Variants in RAP1A observed in about 807,000 individuals in gnomAD.
RAP1A encodes the protein ras-related protein Rap-1A.
In RAP1A, 6 loss-of-function variants were observed where a neutral mutation model predicts 26.4. The ratio of observed to expected loss-of-function variants is 0.23; its 90% CI spans 0.12 to 0.45. The LOEUF (loss-of-function observed/expected upper bound fraction) is 0.45. Among genes scored for constraint, RAP1A ranks in the 20% least tolerant of loss-of-function variants. RAP1A has a pLI of 0.99. For synonymous variants in RAP1A, 73 were observed against 79.4 expected (o/e 0.92, Z 0.43); for missense variants, 121 against 217.2 (o/e 0.56, Z 2.78).
At chr1:111,615,798 T>G (rs547073139), upstream of RAP1A, among the ~76,000 whole-genome samples, 88 of 137,564 alleles carry the variant, frequency 6.4e-4, no homozygotes, top group Non-Finnish European at 9.7e-4. Context: ...GCCACTGCAC[T>G]CCAGCCTGGT....
intron 4 of RAP1A, among the ~76,000 whole-genome samples, chr1:111,699,859 C>T (rs1021229330): frequency 2.0e-5 from 3 of 152,096 alleles, no homozygotes; most frequent in African/African-American, 4.8e-5. Flanking sequence ...TCTTCAACCC[C>T]CTCTGCATAT....
intron 1 of RAP1A, among the ~76,000 whole-genome samples, chr1:111,666,040 G>A (rs187346606): frequency 6.1e-4 from 93 of 152,260 alleles, no homozygotes; most frequent in African/African-American, 2.2e-3. Flanking sequence ...GATGACATAC[G>A]TAACCGTGAT....
chr1:111,619,729 G>A, upstream of RAP1A: 1 of 393,844 alleles, frequency 2.5e-6, no homozygotes, highest in Non-Finnish European at 4.5e-6. Context: ...TGGAGGGGCG[G>A]GGCAGAACCA....
At chr1:111,568,251 G>A (rs1467423975) in intron 1 of RAP1A, among the ~76,000 whole-genome samples, 2 of 152,180 alleles carry the variant, frequency 1.3e-5, no homozygotes, top group African/African-American at 4.8e-5. Context: ...TGGTTCTGCA[G>A]GCTGTACAGG....
At chr1:111,607,145 T>C (rs1246640818) in intron 1 of RAP1A, among the ~76,000 whole-genome samples, 2 of 150,726 alleles carry the variant, frequency 1.3e-5, no homozygotes, top group Non-Finnish European at 3.0e-5. Flanking sequence ...GGTCTCTGGT[T>C]TTCCTAGGCA....
intron 1 of RAP1A, among the ~76,000 whole-genome samples, chr1:111,685,855 CAGAGACTTGGAACCAACCCCA>C (rs200076534): frequency 0.13 from 19,986 of 152,106 alleles, 1,511 homozygotes; most frequent in East Asian, 0.21. Context: ...TTCACAATAG[CAGAGACTTGGAACCAACCCCA>C]AATGCCCATC....
At chr1:111,661,800 G>GA (rs11322950) in intron 1 of RAP1A, among the ~76,000 whole-genome samples, 3,147 of 102,824 alleles carry the variant, frequency 0.031, 76 homozygotes, top group African/African-American at 0.085. Context: ...CTCCGTCCCA[G>GA]AAAAAAAAAA....
At chr1:111,675,038 A>T (rs956332561) in intron 1 of RAP1A, among the ~76,000 whole-genome samples, 1 of 152,150 alleles carries the variant, frequency 6.6e-6, no homozygotes, top group East Asian at 1.9e-4. Flanking sequence ...ATGCCGAGCT[A>T]TGTAGTATCC....
intron 1 of RAP1A, among the ~76,000 whole-genome samples, chr1:111,564,854 A>G (rs1657879074): frequency 6.6e-6 from 1 of 152,244 alleles, no homozygotes; most frequent in Non-Finnish European, 1.5e-5. Context: ...ACTTAGGTGA[A>G]TGCATCACTG....
At chr1:111,556,537 A>G (rs1024229615) in intron 1 of RAP1A, among the ~76,000 whole-genome samples, 2 of 152,218 alleles carry the variant, frequency 1.3e-5, no homozygotes, top group African/African-American at 2.4e-5. Context: ...CACAAAATGT[A>G]GCATTTACAT....
intron 1 of RAP1A, among the ~76,000 whole-genome samples, chr1:111,545,565 C>G (rs1376115018): frequency 6.6e-6 from 1 of 152,042 alleles, no homozygotes; most frequent in African/African-American, 2.4e-5. Flanking sequence ...TTCCCCCGTT[C>G]TCTGGTTTGT....
chr1:111,616,972 T>C (rs907256676), upstream of RAP1A, among the ~76,000 whole-genome samples: 1 of 152,226 alleles, frequency 6.6e-6, no homozygotes, highest in African/African-American at 2.4e-5. Flanking sequence ...AGGCAGCCAG[T>C]ACATATGGCA....
intron 1 of RAP1A, among the ~76,000 whole-genome samples, chr1:111,598,458 G>A (rs980712461): frequency 1.3e-5 from 2 of 151,984 alleles, no homozygotes; most frequent in Admixed American, 1.3e-4. Context: ...TACCCTTTGA[G>A]GAGCACTTTT....
intron 1 of RAP1A, among the ~76,000 whole-genome samples, chr1:111,645,120 A>G (rs1482204793): frequency 6.7e-6 from 1 of 150,042 alleles, no homozygotes; most frequent in Non-Finnish European, 1.5e-5. Flanking sequence ...AAATAGGGAT[A>G]AAAATAATTT....
At chr1:111,628,039 C>G (rs1659454519) in intron 1 of RAP1A, among the ~76,000 whole-genome samples, 1 of 151,924 alleles carries the variant, frequency 6.6e-6, no homozygotes, top group South Asian at 2.1e-4. Flanking sequence ...TTGGAGGCAA[C>G]CTGCTAAATA....
chr1:111,590,953 A>C (rs984770508), intron 1 of RAP1A, among the ~76,000 whole-genome samples: 8 of 152,214 alleles, frequency 5.3e-5, no homozygotes, highest in Non-Finnish European at 1.2e-4. Context: ...TAGATCATAT[A>C]AGATTATGAT....
At chr1:111,692,066 T>C (rs1433415903) in intron 2 of RAP1A, among the ~76,000 whole-genome samples, 2 of 152,186 alleles carry the variant, frequency 1.3e-5, no homozygotes, top group African/African-American at 4.8e-5. Context: ...TAATTGTTTA[T>C]GGAAGCTTGG....
chr1:111,650,487 A>G lies in RAP1A; in HGVS notation c.-28+30553A>G, dbSNP rs1571528412. The stretch of plus-strand genomic sequence containing the variant: ...TCATTCTTATGCAGGGGCCATGTTA[A>G]TCTTCCCTATATCATTCCAATTTCA... On this transcript the variant is annotated intron_variant, in intron 1 of 7. Coordinates refer to ENST00000369709, the MANE Select transcript of RAP1A (RefSeq NM_002884.4). 3 of 152,176 alleles carry G rather than the reference A, an allele frequency of 2.0e-5. No homozygotes were observed. The East Asian group carries it at 5.8e-4, about 29-fold the overall frequency. The allele number at this position is 152,176 out of a possible 1,614,324, so 9.4% of individuals were successfully genotyped here. A position where few individuals can be genotyped will look rare whatever the true frequency, so the allele number is the denominator to read the frequency against.
At chr1:111,617,830 G>T (rs976866192), upstream of RAP1A, among the ~76,000 whole-genome samples, 1 of 151,650 alleles carries the variant, frequency 6.6e-6, no homozygotes, top group African/African-American at 2.4e-5. Flanking sequence ...GATCACCTGA[G>T]GTTGGGAATT....
Sources: allele counts gnomAD v4.1 joint callset (sites outside exome capture counted in the v4.1 genomes callset), GRCh38; gene constraint gnomAD v4.1.1; transcripts MANE v1.5; gene names NCBI Gene and HGNC (gene_info 2026-07-23, HGNC 2026-07-21).